Variants in TPRG1 observed in about 807,000 individuals in gnomAD.
TPRG1 encodes tumor protein p63 regulated 1, also known as tumor protein p63-regulated gene 1 protein.
In TPRG1, 29 loss-of-function variants were observed where a neutral mutation model predicts 29.3. The observed-to-expected ratio is 0.99, with a 90% CI of 0.74 to 1.35. The LOEUF (loss-of-function observed/expected upper bound fraction) is 1.35. TPRG1 is among the 40% of genes most tolerant of loss of function. TPRG1 has a pLI of 0.00. For missense variants in TPRG1, 327 were observed against 335.0 expected (o/e 0.98, Z 0.19); for synonymous variants, 130 against 116.8 (o/e 1.11, Z -0.73).
At chr3:189,184,990 C>A (rs1296174046) in intron 1 of TPRG1, among the ~76,000 whole-genome samples, 1 of 152,194 alleles carries the variant, frequency 6.6e-6, no homozygotes, top group Non-Finnish European at 1.5e-5. Context: ...CTGTCTGTCC[C>A]AGTGGGTTTG....
At chr3:189,159,104 A>G (rs1029726164) in intron 5 of TPRG1, among the ~76,000 whole-genome samples, 2 of 152,038 alleles carry the variant, frequency 1.3e-5, no homozygotes, top group African/African-American at 2.4e-5. Flanking sequence ...CTCACACCAC[A>G]TGTGCACCCT....
At chr3:189,272,701 CTT>C (rs1349033729) in intron 4 of TPRG1, among the ~76,000 whole-genome samples, 1 of 131,962 alleles carries the variant, frequency 7.6e-6, no homozygotes, top group Non-Finnish European at 1.6e-5. Context: ...CTTTCTCTTT[CTT>C]TCTTTCTTTC....
At chr3:189,168,137 G>C (rs1364421193), upstream of TPRG1, among the ~76,000 whole-genome samples, 2 of 152,170 alleles carry the variant, frequency 1.3e-5, no homozygotes, top group African/African-American at 2.4e-5. Context: ...AGTTTAGGAA[G>C]CCAAAGCAGT....
chr3:189,260,290 A>T (rs189905623), intron 4 of TPRG1, among the ~76,000 whole-genome samples: 88 of 152,324 alleles, frequency 5.8e-4, no homozygotes, highest in African/African-American at 1.9e-3. Flanking sequence ...CATCTTTAAT[A>T]GTTTTGGTAG....
intron 3 of TPRG1, chr3:189,004,898 T>G (rs1167764147): frequency 6.6e-6 from 1 of 152,136 alleles, no homozygotes; most frequent in East Asian, 1.9e-4. Flanking sequence ...GTAGGTATAT[T>G]ATTTATGGGA....
chr3:189,191,929 C>T (rs1485679963), intron 1 of TPRG1, among the ~76,000 whole-genome samples: 2 of 152,176 alleles, frequency 1.3e-5, no homozygotes, highest in Non-Finnish European at 2.9e-5. Flanking sequence ...CTTCTTCTGT[C>T]TGTCTCTAGT....
chr3:189,096,087 A>C (rs1718658178), upstream of TPRG1, among the ~76,000 whole-genome samples: 1 of 152,236 alleles, frequency 6.6e-6, no homozygotes, highest in South Asian at 2.1e-4. Context: ...TCATGTGCAC[A>C]TTAATCTTGC....
At chr3:189,047,294 G>C (rs1181700756) in intron 4 of TPRG1, among the ~76,000 whole-genome samples, 1 of 152,098 alleles carries the variant, frequency 6.6e-6, no homozygotes, top group African/African-American at 2.4e-5. Context: ...GCATATAAAA[G>C]TTATTTCTAC....
chr3:189,301,298 C>CAAAA (rs10618021), intron 4 of TPRG1, among the ~76,000 whole-genome samples: 2 of 43,610 alleles, frequency 4.6e-5, no homozygotes, highest in Non-Finnish European at 8.3e-5. Context: ...GACTCCATCT[C>CAAAA]AAAAAAAAAA....
chr3:189,100,695 C>T (rs1040805137), intron 1 of TPRG1, among the ~76,000 whole-genome samples: 1 of 152,182 alleles, frequency 6.6e-6, no homozygotes, highest in Non-Finnish European at 1.5e-5. Context: ...CAGACCTTGG[C>T]TCTGTCAGAT....
intron 4 of TPRG1, among the ~76,000 whole-genome samples, chr3:189,037,703 A>G (rs1448949094): frequency 1.3e-5 from 2 of 151,830 alleles, no homozygotes; most frequent in Non-Finnish European, 2.9e-5. Flanking sequence ...CATTTATGGA[A>G]ACTAACAGTC....
intron 3 of TPRG1, among the ~76,000 whole-genome samples, chr3:189,006,126 G>A (rs781320642): frequency 5.3e-5 from 8 of 151,972 alleles, no homozygotes; most frequent in African/African-American, 1.2e-4. Context: ...ACTACGAAGC[G>A]TATTTGAATA....
At chr3:189,077,402 A>C (rs1717250958) in intron 4 of TPRG1, among the ~76,000 whole-genome samples, 1 of 152,096 alleles carries the variant, frequency 6.6e-6, no homozygotes. Flanking sequence ...ATAGTTAGGC[A>C]ACTAATAGTT....
At chr3:189,074,863 G>C (rs1199217328) in intron 4 of TPRG1, among the ~76,000 whole-genome samples, 2 of 151,450 alleles carry the variant, frequency 1.3e-5, no homozygotes, top group African/African-American at 2.4e-5. Flanking sequence ...CCAGGCTGGA[G>C]TGCAGTGGCG....
At chr3:189,198,949 T>C (rs982342782) in intron 1 of TPRG1, among the ~76,000 whole-genome samples, 1 of 150,464 alleles carries the variant, frequency 6.6e-6, no homozygotes, top group African/African-American at 2.5e-5. Context: ...CTTTATGTAT[T>C]TTTTGAGAAA....
intron 3 of TPRG1, among the ~76,000 whole-genome samples, chr3:189,136,181 G>T (rs1723722895): frequency 6.6e-6 from 1 of 152,172 alleles, no homozygotes; most frequent in African/African-American, 2.4e-5. Flanking sequence ...TGAGCTTACA[G>T]TTCTAGTACA....
chr3:189,084,267 A>G (rs556833531), intron 4 of TPRG1, among the ~76,000 whole-genome samples: 3 of 152,374 alleles, frequency 2.0e-5, no homozygotes, highest in Non-Finnish European at 4.4e-5. Context: ...GGACACTATT[A>G]ACCTATACAT....
intron 3 of TPRG1, chr3:189,219,492 C>G (rs1440118893): frequency 4.0e-5 from 34 of 849,308 alleles, no homozygotes; most frequent in Non-Finnish European, 5.0e-5. Context: ...TTGCAGTTTC[C>G]TATTACCTTT....
rs1431174178 is a variant in TPRG1 at position 189,321,922 on chromosome 3, C to A, written c.*1102C>A. 3 of 152,060 alleles carry A rather than the reference C, an allele frequency of 2.0e-5. No individual in the cohort carries two copies. The highest frequency in any genetic ancestry group is 7.2e-5 in the African/African-American group (3 of 41,406). 9.4% of individuals were successfully genotyped at this position (152,060 alleles called of 1,614,324 possible). ...TTTGAAGACCATGTTTTCAAAAACA[C>A]TGTCTTAACACTCTATTGTCATTGC... On this transcript the variant is annotated 3_prime_UTR_variant, in exon 6 of 6. Transcript: ENST00000345063.
Sources: allele counts gnomAD v4.1 joint callset (sites outside exome capture counted in the v4.1 genomes callset), GRCh38; gene constraint gnomAD v4.1.1; transcripts MANE v1.5; gene names NCBI Gene and HGNC (gene_info 2026-07-23, HGNC 2026-07-21).